COBL: variants seen among roughly 807,000 people sequenced by gnomAD.
The protein encoded by COBL is cordon-bleu WH2 repeat protein.
COBL carries 51 observed loss-of-function variants against 98.8 expected under a neutral mutation model. That is an observed-to-expected ratio of 0.52 (90% CI 0.41 to 0.65). The LOEUF (loss-of-function observed/expected upper bound fraction) is 0.65. COBL is among the 30% of genes least tolerant of loss of function. The pLI, the probability that COBL is intolerant of heterozygous loss-of-function variation, is 0.00. For synonymous variants in COBL, 634 were observed against 651.7 expected (o/e 0.97, Z 0.41); for missense variants, 1,617 against 1,617.5 (o/e 1.00, Z 0.01).
intron 1 of COBL, among the ~76,000 whole-genome samples, chr7:51,288,027 G>C (rs1167006906): frequency 1.3e-5 from 2 of 152,150 alleles, no homozygotes; most frequent in Non-Finnish European, 2.9e-5. Flanking sequence ...AAATGCTGGG[G>C]TGATGAAAGT....
Position 51,175,188 on chromosome 7 carries a change from T to C in COBL, c.783+8914A>G, listed in dbSNP as rs975159107. On this transcript the variant is annotated intron_variant, in intron 5 of 12. Transcript: ENST00000265136. ...ACTACCTTTTCCACCTTGGAGCAGGTAGGTCAAGGTATTGGCAGTTTTGCA... is the reference window on the plus strand; with the variant it reads ...ACTACCTTTTCCACCTTGGAGCAGGCAGGTCAAGGTATTGGCAGTTTTGCA... Among the ~76,000 whole-genome samples the C allele has an allele frequency of 3.3e-5, 5 of 152,262 alleles. 1 individual carries two copies. The highest frequency in any genetic ancestry group is 2.0e-4 in the Admixed American group (3 of 15,288).
In COBL at chr7:51,017,458, C is replaced by G; in HGVS notation, c.*93G>C. On this transcript the variant is annotated 3_prime_UTR_variant, in exon 13 of 13. Transcript: ENST00000265136. ...TGGCCTGTAGACAAGAAAGTAACAC[C>G]AAAACTTGATGTTCCTGGCTATGCA... The G allele has an allele frequency of 7.3e-7, 1 of 1,373,732 alleles. No homozygotes were observed. The allele number at this position is 1,373,732 out of a possible 1,614,324, so 85.1% of individuals were successfully genotyped here.
chr7:51,059,871 G>A (rs557231171), intron 7 of COBL, among the ~76,000 whole-genome samples: 2 of 152,206 alleles, frequency 1.3e-5, no homozygotes, highest in Admixed American at 6.5e-5. Flanking sequence ...ATTACCCAAC[G>A]TGGCCTGTTT....
intron 1 of COBL, among the ~76,000 whole-genome samples, chr7:51,309,613 G>A (rs770117243): frequency 2.6e-5 from 4 of 152,158 alleles, no homozygotes; most frequent in Non-Finnish European, 5.9e-5. Flanking sequence ...AGCAATTTAA[G>A]AAACAGTTTT....
intron 1 of COBL, among the ~76,000 whole-genome samples, chr7:51,254,071 GTTT>G (rs35571345): frequency 2.7e-5 from 4 of 147,344 alleles, no homozygotes; most frequent in Non-Finnish European, 4.5e-5. Context: ...TTTTTGAGTT[GTTT>G]TTTTTTTGTC....
chr7:51,166,040 C>T (rs546329582), intron 5 of COBL, among the ~76,000 whole-genome samples: 10 of 151,874 alleles, frequency 6.6e-5, no homozygotes, highest in Non-Finnish European at 1.2e-4. Flanking sequence ...AACAATCTAA[C>T]TATGCATCTT....
intron 1 of COBL, among the ~76,000 whole-genome samples, chr7:51,286,407 A>G (rs1430507266): frequency 1.3e-5 from 2 of 151,768 alleles, no homozygotes; most frequent in Admixed American, 6.6e-5. Flanking sequence ...AAGTAACTAA[A>G]AAAAAAAAAG....
chr7:51,281,534 A>G (rs1799818800), intron 1 of COBL, among the ~76,000 whole-genome samples: 1 of 152,154 alleles, frequency 6.6e-6, no homozygotes, highest in African/African-American at 2.4e-5. Flanking sequence ...ACACGGAAAA[A>G]ACCTTGAGAA....
At chr7:51,272,107 T>C (rs1330153520) in intron 1 of COBL, among the ~76,000 whole-genome samples, 2 of 152,220 alleles carry the variant, frequency 1.3e-5, no homozygotes, top group Non-Finnish European at 2.9e-5. Context: ...GCTCAATACA[T>C]GTAAATGCAT....
At chr7:51,293,280 A>G (rs1801082503) in intron 1 of COBL, among the ~76,000 whole-genome samples, 1 of 152,260 alleles carries the variant, frequency 6.6e-6, no homozygotes, top group Non-Finnish European at 1.5e-5. Context: ...GAAAGGGAAT[A>G]CATGTCCATA....
chr7:51,159,608 C>T lies in COBL; in HGVS notation c.784-23277G>A, dbSNP rs181163392. On this transcript the variant is annotated intron_variant, in intron 5 of 12. Transcript: ENST00000265136. ...AATAGTCATGTTTTAGGGGAACATA[C>T]GGAAAACCAGTATTTGAAAGGGACG... Among the ~76,000 whole-genome samples the T allele has an allele frequency of 2.1e-3, 316 of 152,256 alleles. 2 individuals carry two copies. Among genetic ancestry groups the T allele is most frequent in the African/African-American group, 5.1e-3 (213 of 41,540 alleles).
chr7:51,036,999 C>T (rs1458705622), intron 8 of COBL, among the ~76,000 whole-genome samples: 1 of 152,180 alleles, frequency 6.6e-6, no homozygotes, highest in African/African-American at 2.4e-5. Context: ...GCTAGTTCCA[C>T]TGTTCCTTCC....
intron 1 of COBL, among the ~76,000 whole-genome samples, chr7:51,316,170 G>C (rs1008560493): frequency 1.3e-5 from 2 of 152,050 alleles, no homozygotes; most frequent in African/African-American, 2.4e-5. Flanking sequence ...GATGGGAACC[G>C]GCCAGGGGCA....
chr7:51,145,515 A>T (rs1784945364), intron 5 of COBL, among the ~76,000 whole-genome samples: 1 of 151,512 alleles, frequency 6.6e-6, no homozygotes, highest in African/African-American at 2.4e-5. Context: ...AGTAGCTGGG[A>T]TTACAGGTAC....
At chr7:51,133,806 C>T (rs1177047572) in intron 6 of COBL, among the ~76,000 whole-genome samples, 1 of 152,186 alleles carries the variant, frequency 6.6e-6, no homozygotes, top group Non-Finnish European at 1.5e-5. Context: ...CACACATGAT[C>T]AAATTATGAA....
intron 6 of COBL, among the ~76,000 whole-genome samples, chr7:51,096,663 T>C (rs896468027): frequency 1.3e-5 from 2 of 151,954 alleles, no homozygotes; most frequent in Non-Finnish European, 2.9e-5. Context: ...GAAAGAGACA[T>C]TACAAGTGAT....
chr7:51,083,794 G>C (rs1793922497), intron 7 of COBL, among the ~76,000 whole-genome samples: 1 of 152,124 alleles, frequency 6.6e-6, no homozygotes, highest in Non-Finnish European at 1.5e-5. Context: ...GAGAGGGTGG[G>C]GATGTTGTCC....
At chr7:51,280,975 T>C (rs954761939) in intron 1 of COBL, among the ~76,000 whole-genome samples, 3 of 152,238 alleles carry the variant, frequency 2.0e-5, no homozygotes, top group Admixed American at 1.3e-4. Flanking sequence ...CAGAGTACCA[T>C]AATGAAATAG....
intron 1 of COBL, among the ~76,000 whole-genome samples, chr7:51,233,585 G>A (rs10260057): frequency 0.014 from 2,098 of 152,238 alleles, 46 homozygotes; most frequent in African/African-American, 0.048. Flanking sequence ...GATAAGCCCC[G>A]TCCATTTCTA....
Sources: allele counts gnomAD v4.1 joint callset (sites outside exome capture counted in the v4.1 genomes callset), GRCh38; gene constraint gnomAD v4.1.1; transcripts MANE v1.5; gene names NCBI Gene and HGNC (gene_info 2026-07-23, HGNC 2026-07-21).